The following TENM2 variants were observed in gnomAD, a reference collection of about 807,000 sequenced individuals.
The protein encoded by TENM2 is teneurin transmembrane protein 2.
Under a neutral mutation model 245.2 loss-of-function variants are expected in TENM2, and 52 were observed. The ratio of observed to expected loss-of-function variants is 0.21; its 90% confidence interval spans 0.17 to 0.27. TENM2 has a LOEUF of 0.27. Among genes scored for constraint, TENM2 ranks in the 10% least tolerant of loss-of-function variants. The pLI is 1.00. For missense variants in TENM2, 3,046 were observed against 3,666.8 expected (o/e 0.83, Z 4.37); for synonymous variants, 1,363 against 1,438.9 (o/e 0.95, Z 1.19).
At chr5:167,514,717 G>A (rs970314992) in intron 2 of TENM2, among the ~76,000 whole-genome samples, 1 of 152,096 alleles carries the variant, frequency 6.6e-6, no homozygotes, top group African/African-American at 2.4e-5. Flanking sequence ...GCCTACCAAA[G>A]GAACAATATT....
intron 2 of TENM2, among the ~76,000 whole-genome samples, chr5:167,662,421 A>T (rs1438226765): frequency 6.6e-6 from 1 of 152,178 alleles, no homozygotes; most frequent in African/African-American, 2.4e-5. Context: ...TGGTTTGCTT[A>T]ATAGATTTTA....
intron 13 of TENM2, among the ~76,000 whole-genome samples, chr5:168,168,801 A>C (rs770114553): frequency 6.6e-6 from 1 of 152,126 alleles, no homozygotes; most frequent in Non-Finnish European, 1.5e-5. Flanking sequence ...TGTTTGTTTC[A>C]AAGTTTAAAA....
chr5:167,986,294 G>T (rs375730593), intron 4 of TENM2, among the ~76,000 whole-genome samples: 5 of 152,288 alleles, frequency 3.3e-5, no homozygotes, highest in African/African-American at 1.2e-4. Context: ...TTACCAAAAA[G>T]GTTGATAGTT....
intron 2 of TENM2, among the ~76,000 whole-genome samples, chr5:167,510,023 A>C (rs1330951576): frequency 6.6e-6 from 1 of 152,178 alleles, no homozygotes; most frequent in Admixed American, 6.5e-5. Flanking sequence ...TCAATGTTTT[A>C]TCTACTAAAT....
intron 2 of TENM2, among the ~76,000 whole-genome samples, chr5:167,387,827 C>T (rs1178225489): frequency 6.6e-6 from 1 of 152,036 alleles, no homozygotes; most frequent in Non-Finnish European, 1.5e-5. Context: ...CATTTATTGA[C>T]TTGCATCTGT....
the TENM2 span, among the ~76,000 whole-genome samples, chr5:167,188,336 AC>A: frequency 3.3e-5 from 5 of 152,132 alleles, no homozygotes; most frequent in Non-Finnish European, 7.4e-5. Context: ...GGGCTGCATG[AC>A]TTTTCCAGCT....
intron 2 of TENM2, among the ~76,000 whole-genome samples, chr5:167,765,125 G>A (rs1762924309): frequency 6.6e-6 from 1 of 152,126 alleles, no homozygotes; most frequent in Admixed American, 6.5e-5. Context: ...CTACAGGTCT[G>A]GGTGTCACTA....
At chr5:167,032,284 A>C in the TENM2 span, among the ~76,000 whole-genome samples, 1 of 152,224 alleles carries the variant, frequency 6.6e-6, no homozygotes, top group African/African-American at 2.4e-5. Flanking sequence ...ACAATCTGCA[A>C]ATCTGTCCTT....
the TENM2 span, among the ~76,000 whole-genome samples, chr5:167,077,114 C>G: frequency 6.6e-6 from 1 of 152,224 alleles, no homozygotes; most frequent in African/African-American, 2.4e-5. Flanking sequence ...CCATGAGCCA[C>G]TGTGCCTGGC....
chr5:168,034,956 T>C (rs1327454779), intron 5 of TENM2, among the ~76,000 whole-genome samples: 1 of 152,206 alleles, frequency 6.6e-6, no homozygotes, highest in African/African-American at 2.4e-5. Flanking sequence ...TAAAATACTT[T>C]CATTCAGCAC....
intron 3 of TENM2, among the ~76,000 whole-genome samples, chr5:167,928,978 A>C (rs536066324): frequency 6.8e-6 from 1 of 146,792 alleles, no homozygotes; most frequent in African/African-American, 2.5e-5. Context: ...GGGAGGAAGG[A>C]AGGGAGGGAG....
At chr5:167,242,046 G>GTTTTTTTTTTT in the TENM2 span, among the ~76,000 whole-genome samples, 1 of 131,500 alleles carries the variant, frequency 7.6e-6, no homozygotes, top group African/African-American at 2.8e-5. Context: ...TTTGTTTTTT[G>GTTTTTTTTTTT]TTTTTTTTTT....
intron 2 of TENM2, among the ~76,000 whole-genome samples, chr5:167,527,432 A>G (rs1771197034): frequency 6.6e-6 from 1 of 152,026 alleles, no homozygotes; most frequent in South Asian, 2.1e-4. Context: ...ATCCTTTCTA[A>G]TCTATCATTT....
At chr5:167,937,382 T>C (rs1391732615) in intron 3 of TENM2, among the ~76,000 whole-genome samples, 2 of 152,188 alleles carry the variant, frequency 1.3e-5, no homozygotes, top group Non-Finnish European at 2.9e-5. Flanking sequence ...TTCTCTAGGG[T>C]AAATACCTAG....
chr5:167,026,437 C>T, the TENM2 span, among the ~76,000 whole-genome samples: 1 of 152,278 alleles, frequency 6.6e-6, no homozygotes, highest in South Asian at 2.1e-4. Context: ...CCAGTATTCC[C>T]TCTTGTTTTT....
chr5:167,396,731 C>G (rs1039936619), intron 2 of TENM2, among the ~76,000 whole-genome samples: 1 of 152,160 alleles, frequency 6.6e-6, no homozygotes, highest in Non-Finnish European at 1.5e-5. Flanking sequence ...AAGATTTCTA[C>G]TGGAGCGAGA....
intron 1 of TENM2, among the ~76,000 whole-genome samples, chr5:167,356,187 CAAAAAAAAAAAAAAA>C (rs58804392): frequency 2.7e-5 from 2 of 74,030 alleles, no homozygotes; most frequent in African/African-American, 6.3e-5. Flanking sequence ...GACTCCATCT[CAAAAAAAAAAAAAAA>C]AAAAAAAAAA....
chr5:167,038,661 C>T, the TENM2 span, among the ~76,000 whole-genome samples: 1 of 152,178 alleles, frequency 6.6e-6, no homozygotes, highest in Middle Eastern at 3.2e-3. Context: ...CCCACAAGAA[C>T]GGTCTTGTGG....
the TENM2 span, among the ~76,000 whole-genome samples, chr5:167,053,257 A>G: frequency 6.6e-6 from 1 of 152,186 alleles, no homozygotes; most frequent in Non-Finnish European, 1.5e-5. Context: ...GACTTACAAA[A>G]TATGCTCTTT....
Sources: gnomAD v4.1 joint callset for allele counts (sites outside exome capture counted in the v4.1 genomes callset) on GRCh38, gnomAD v4.1.1 for gene constraint, MANE v1.5 for transcripts, NCBI Gene and HGNC (gene_info 2026-07-23, HGNC 2026-07-21) for gene names.